The following SUPT3H variants were observed in gnomAD, a reference collection of about 807,000 sequenced individuals.
SUPT3H encodes transcription initiation protein SPT3 homolog.
SUPT3H carries 44 observed loss-of-function variants against 44.3 expected under a neutral mutation model. That is an observed-to-expected ratio of 0.99 (90% confidence interval 0.78 to 1.28). SUPT3H has a LOEUF of 1.28. SUPT3H is among the 50% of genes most tolerant of loss of function. The pLI, the probability that SUPT3H is intolerant of heterozygous loss-of-function variation, is 0.00. For missense variants in SUPT3H, 380 were observed against 387.1 expected, an observed-to-expected ratio of 0.98 and a Z score of 0.15; for synonymous variants, 124 against 125.6, an observed-to-expected ratio of 0.99 and a Z score of 0.09.
intron 6 of SUPT3H, among the ~76,000 whole-genome samples, chr6:44,980,420 A>G (rs1778939350): frequency 6.6e-6 from 1 of 152,170 alleles, no homozygotes; most frequent in Admixed American, 6.5e-5. Flanking sequence ...CCTGCTGTAC[A>G]ATGATGTTAC....
At chr6:45,130,712 C>CCT (rs1358503809) in intron 2 of SUPT3H, among the ~76,000 whole-genome samples, 4 of 88,600 alleles carry the variant, frequency 4.5e-5, no homozygotes, top group Non-Finnish European at 8.6e-5. Context: ...AAAAAAACCA[C>CCT]TTTTTTTTTT....
intron 10 of SUPT3H, among the ~76,000 whole-genome samples, chr6:44,840,928 G>T (rs1235229890): frequency 2.0e-5 from 3 of 152,106 alleles, no homozygotes; most frequent in African/African-American, 7.2e-5. Context: ...GTCAAATAAG[G>T]TTGCAATACC....
intron 6 of SUPT3H, among the ~76,000 whole-genome samples, chr6:44,978,665 G>C (rs566541350): frequency 3.9e-5 from 6 of 152,182 alleles, no homozygotes; most frequent in Admixed American, 2.0e-4. Flanking sequence ...ATCTGTCTGG[G>C]AAGGTCATCC....
intron 2 of SUPT3H, among the ~76,000 whole-genome samples, chr6:45,275,369 A>AT (rs1171398143): frequency 1.3e-5 from 2 of 152,056 alleles, no homozygotes; most frequent in Non-Finnish European, 2.9e-5. Flanking sequence ...TTACTTTACC[A>AT]TTTTTTTAGA....
chr6:45,230,684 A>ATTTTT (rs1363543780), intron 2 of SUPT3H, among the ~76,000 whole-genome samples: 82 of 101,084 alleles, frequency 8.1e-4, no homozygotes, highest in African/African-American at 3.0e-3. Flanking sequence ...ATATATATAT[A>ATTTTT]TATTTTTGAG....
intron 2 of SUPT3H, among the ~76,000 whole-genome samples, chr6:45,331,561 A>G (rs1787518514): frequency 6.6e-6 from 1 of 152,004 alleles, no homozygotes. Flanking sequence ...ATCAAAAGCT[A>G]AAAATGTCAA....
chr6:45,105,512 ATAGTC>A (rs1799150664), intron 3 of SUPT3H, among the ~76,000 whole-genome samples: 2 of 152,184 alleles, frequency 1.3e-5, no homozygotes, highest in Non-Finnish European at 1.5e-5. Context: ...ACACTATACT[ATAGTC>A]TATTGATTGT....
downstream of SUPT3H, among the ~76,000 whole-genome samples, chr6:44,821,928 AT>A (rs1767352707): frequency 6.6e-6 from 1 of 152,218 alleles, no homozygotes; most frequent in Admixed American, 6.5e-5. Context: ...TGATCCCTGC[AT>A]TCTATAACTT....
intron 3 of SUPT3H, among the ~76,000 whole-genome samples, chr6:45,070,228 C>T (rs1381838866): frequency 6.6e-6 from 1 of 152,074 alleles, no homozygotes; most frequent in Non-Finnish European, 1.5e-5. Context: ...ATCCAATAAA[C>T]CCATTTTATC....
intron 3 of SUPT3H, among the ~76,000 whole-genome samples, chr6:45,083,509 A>G (rs1293942977): frequency 6.6e-6 from 1 of 152,046 alleles, no homozygotes; most frequent in Non-Finnish European, 1.5e-5. Context: ...TATCTTTAAA[A>G]AGGCCATATG....
intron 2 of SUPT3H, among the ~76,000 whole-genome samples, chr6:45,233,182 C>T (rs1048314564): frequency 1.3e-5 from 2 of 152,176 alleles, no homozygotes; most frequent in Non-Finnish European, 2.9e-5. Context: ...GATTAGTACT[C>T]CCTGTGGGCT....
At chr6:45,229,798 A>C (rs1044667171) in intron 2 of SUPT3H, among the ~76,000 whole-genome samples, 2 of 152,186 alleles carry the variant, frequency 1.3e-5, no homozygotes, top group African/African-American at 4.8e-5. Context: ...AAATGGGGTA[A>C]TCCAACATCT....
At chr6:45,055,599 T>G (rs2153538823) in intron 3 of SUPT3H, among the ~76,000 whole-genome samples, 1 of 152,242 alleles carries the variant, frequency 6.6e-6, no homozygotes, top group East Asian at 1.9e-4. Flanking sequence ...CAAATGGTGC[T>G]GGGATAATTG....
At chr6:45,110,860 T>G (rs1799949124) in intron 2 of SUPT3H, among the ~76,000 whole-genome samples, 1 of 152,162 alleles carries the variant, frequency 6.6e-6, no homozygotes, top group African/African-American at 2.4e-5. Context: ...ACTCTTTTAA[T>G]GGCATAAACT....
chr6:45,328,531 TTTTG>T (rs1342122695), intron 2 of SUPT3H: 4 of 1,569,108 alleles, frequency 2.5e-6, no homozygotes, highest in South Asian at 1.1e-5. Flanking sequence ...TCTCTTTTTG[TTTTG>T]TTTCTTTGCT....
rs1043349209 is a variant in SUPT3H at position 44,955,226 on chromosome 6, C to T, written c.581-619G>A. The T allele has an allele frequency of 3.3e-4, 50 of 152,796 alleles. 1 individual carries two copies. Among genetic ancestry groups the T allele is most frequent in the Admixed American group, 3.3e-3 (50 of 15,304 alleles). The allele number at this position is 152,796 out of a possible 1,614,324, so 9.5% of individuals were successfully genotyped here. A position where few individuals can be genotyped will look rare whatever the true frequency, so the allele number is the denominator to read the frequency against. On this transcript the variant is annotated intron_variant, in intron 7 of 10. Transcript: ENST00000371459. ...CCAGGAAAGCCAAGAGCCACAGACC[C>T]CTTGAAGGAGGTGGATCACCACTGC...
intron 10 of SUPT3H, among the ~76,000 whole-genome samples, chr6:44,870,896 T>C (rs1394950629): frequency 6.6e-6 from 1 of 151,710 alleles, no homozygotes; most frequent in African/African-American, 2.4e-5. Context: ...CGGATGCACC[T>C]GGAAAATCGG....
intron 3 of SUPT3H, among the ~76,000 whole-genome samples, chr6:45,051,590 A>G (rs1423349717): frequency 6.6e-6 from 1 of 151,940 alleles, no homozygotes; most frequent in Non-Finnish European, 1.5e-5. Context: ...ACAACTCATT[A>G]AAACTCTAAA....
At chr6:45,195,226 G>GAGAAAAGTCACAGGAA (rs746698161) in intron 2 of SUPT3H, among the ~76,000 whole-genome samples, 16 of 152,288 alleles carry the variant, frequency 1.1e-4, no homozygotes, top group Admixed American at 4.6e-4. Flanking sequence ...AACTGGAACA[G>GAGAAAAGTCACAGGAA]AGAAAAGTCA....
Sources: allele counts gnomAD v4.1 joint callset (sites outside exome capture counted in the v4.1 genomes callset), GRCh38; gene constraint gnomAD v4.1.1; transcripts MANE v1.5; gene names NCBI Gene and HGNC (gene_info 2026-07-23, HGNC 2026-07-21).